Variants in PTPN21 observed in about 807,000 individuals in gnomAD.
The protein encoded by PTPN21 is tyrosine-protein phosphatase non-receptor type 21.
A neutral mutation model predicts 131.8 loss-of-function variants in PTPN21; 77 were observed. The observed-to-expected ratio is 0.58, with a 90% CI of 0.49 to 0.71. The LOEUF is 0.71. PTPN21 is among the 30% of genes least tolerant of loss of function. The pLI is 0.00. For missense variants in PTPN21, 1,552 were observed against 1,527.1 expected (o/e 1.02, Z -0.27); for synonymous variants, 715 against 621.3 (o/e 1.15, Z -2.24).
chr14:88,517,996 G>A (rs1240482385), intron 2 of PTPN21, among the ~76,000 whole-genome samples: 1 of 147,368 alleles, frequency 6.8e-6, no homozygotes, highest in Non-Finnish European at 1.5e-5. Flanking sequence ...GTTAAAATCT[G>A]CATATAAAAT....
intron 13 of PTPN21, 31 bp from the exon 14 acceptor site, chr14:88,473,833 T>A: frequency 6.4e-7 from 1 of 1,564,338 alleles, no homozygotes; most frequent in East Asian, 2.3e-5. Flanking sequence ...ATATATGAAA[T>A]ATACACAAAT....
At chr14:88,470,287 C>T (rs1368529693) in intron 15 of PTPN21, 2 of 522,220 alleles carry the variant, frequency 3.8e-6, no homozygotes, top group Non-Finnish European at 6.8e-6. Context: ...AATATCTATG[C>T]AACCTGTTTA....
intron 2 of PTPN21, among the ~76,000 whole-genome samples, chr14:88,519,537 T>C (rs1284756628): frequency 6.6e-6 from 1 of 152,232 alleles, no homozygotes; most frequent in Non-Finnish European, 1.5e-5. Context: ...TAATAGAACA[T>C]TTCTTTGACC....
In PTPN21 at chr14:88,485,123, T is replaced by G; in HGVS notation, c.1031A>C (p.Gln344Pro). The G allele has an allele frequency of 6.2e-7, 1 of 1,608,466 alleles. No individual in the cohort carries two copies. The highest frequency in any genetic ancestry group is 8.5e-7 in the Non-Finnish European group (1 of 1,176,268). Residue 344 changes from glutamine to proline, a missense_variant, in exon 12 of 19, where the codon CAG becomes CCG. By Grantham distance (76) the Gln-to-Pro change is moderately conservative. Coordinates refer to ENST00000556564, the MANE Select transcript of PTPN21 (RefSeq NM_007039.4). ...PQPYVMPPPP[Q>P]LHYNGHYTEP... ...TGTATAATGTCCATTATAGTGCAAC[T>G]GCGGTGGGGGAGGCATCACGTAGGG...
At chr14:88,542,216 G>A (rs763946092) in intron 2 of PTPN21, among the ~76,000 whole-genome samples, 3 of 152,080 alleles carry the variant, frequency 2.0e-5, no homozygotes, top group African/African-American at 7.2e-5. Flanking sequence ...GATTAAATGA[G>A]GTAAATAAAG....
At chr14:88,542,025 G>A (rs1320026516) in intron 2 of PTPN21, among the ~76,000 whole-genome samples, 1 of 152,150 alleles carries the variant, frequency 6.6e-6, no homozygotes, top group African/African-American at 2.4e-5. Flanking sequence ...GTTTGCATCA[G>A]ATCTCAAAGG....
intron 2 of PTPN21, among the ~76,000 whole-genome samples, chr14:88,518,226 CAAA>C (rs1172099704): frequency 0.01 from 114 of 10,986 alleles, no homozygotes; most frequent in African/African-American, 0.035. Context: ...GAATCTACCT[CAAA>C]AAAAAAAAAA....
intron 3 of PTPN21, chr14:88,513,558 A>G (rs1311252888): frequency 2.6e-5 from 4 of 152,226 alleles, no homozygotes; most frequent in African/African-American, 9.6e-5. Flanking sequence ...ATTATCGACA[A>G]TTGAAACAAA....
chr14:88,533,156 A>T (rs1350355483), intron 2 of PTPN21, among the ~76,000 whole-genome samples: 2 of 152,202 alleles, frequency 1.3e-5, no homozygotes, highest in African/African-American at 4.8e-5. Flanking sequence ...GGGTTTCATT[A>T]CTTCACTTAC....
chr14:88,529,177 T>C (rs1234261052), intron 2 of PTPN21, among the ~76,000 whole-genome samples: 5 of 152,360 alleles, frequency 3.3e-5, no homozygotes, highest in Admixed American at 3.3e-4. Context: ...CTGAGGGTTT[T>C]AATCATAAAG....
chr14:88,506,184 T>A (rs1207615422), intron 4 of PTPN21, among the ~76,000 whole-genome samples: 1 of 151,830 alleles, frequency 6.6e-6, no homozygotes, highest in African/African-American at 2.4e-5. Context: ...ATAAAAAATT[T>A]TAAAAATCAG....
chr14:88,502,358 A>G (rs1455326108), intron 6 of PTPN21, among the ~76,000 whole-genome samples: 1 of 151,648 alleles, frequency 6.6e-6, no homozygotes, highest in African/African-American at 2.4e-5. Context: ...ATCCTTCAAG[A>G]CTCTGTCTAT....
At position 88,485,126 on chromosome 14, in the gene PTPN21, G is replaced by A. The variant is rs1224242606; in HGVS notation, c.1028C>T (p.Pro343Leu). ...ATAATGTCCATTATAGTGCAACTGC[G>A]GTGGGGGAGGCATCACGTAGGGCTG... Reference protein sequence around the residue: ...KPQPYVMPPPPQLHYNGHYTE... With the variant: ...KPQPYVMPPPLQLHYNGHYTE... The change falls in exon 12 of 19, where the codon CCG becomes CTG. Residue 343 changes from proline to leucine, a missense_variant. This residue lies in a region of PTPN21 where 1,016 missense variants were observed against 883.5 expected (regional missense o/e 1.15). Coordinates refer to ENST00000556564, the MANE Select transcript of PTPN21 (RefSeq NM_007039.4). 17 of 1,606,720 alleles carry A rather than the reference G, an allele frequency of 1.1e-5. No individual in the cohort carries two copies. Among genetic ancestry groups the A allele is most frequent in the African/African-American group, 4.0e-5 (3 of 74,710 alleles).
chr14:88,515,105 G>C (rs571919908), intron 3 of PTPN21: 1 of 152,310 alleles, frequency 6.6e-6, no homozygotes, highest in East Asian at 1.9e-4. Flanking sequence ...AGCACTAAGA[G>C]AAAGTGCGAG....
In PTPN21 at chr14:88,469,378, TAAAAC is replaced by T. The variant is rs2077418264; in HGVS notation, c.3235+116_3235+120del. The T allele has an allele frequency of 7.9e-5, 75 of 946,170 alleles. No homozygotes were observed. The South Asian group carries it at 1.2e-3, about 16-fold the overall frequency. The allele number at this position is 946,170 out of a possible 1,614,324, so 58.6% of individuals were successfully genotyped here. Reference sequence around the variant, plus strand: ...CCCAAAACACTTGTATTCTTTATGTTAAAACAAGTCCGAAGCTTATATGAGATAAC... The same window carrying T: ...CCCAAAACACTTGTATTCTTTATGTTAAGTCCGAAGCTTATATGAGATAAC... On this transcript the variant is annotated intron_variant, in intron 17 of 18. Coordinates refer to ENST00000556564, the MANE Select transcript of PTPN21 (RefSeq NM_007039.4). This position sits in a 1 kb window ranked among gnomAD's most constrained non-coding sequence, Gnocchi z 4.3.
In PTPN21 at chr14:88,477,046, GGGAA is replaced by G. The variant is rs533730809; in HGVS notation, c.2511+1870_2511+1873del. 1.0e-3 allele frequency among the ~76,000 whole-genome samples: 155 copies of G among 152,166 alleles called. 1 individual carries two copies. Among genetic ancestry groups the G allele is most frequent in the African/African-American group, 3.3e-3 (138 of 41,500 alleles). ...AAAAACAGACCGTTCTTAATGCAAT[GGGAA>G]GGGTGTTAACTATAAAAGGACCCTG... On this transcript the variant is annotated intron_variant, in intron 13 of 18. Coordinates refer to ENST00000556564, the MANE Select transcript of PTPN21 (RefSeq NM_007039.4).
intron 10 of PTPN21, among the ~76,000 whole-genome samples, chr14:88,487,813 C>A (rs1292795474): frequency 6.6e-6 from 1 of 151,782 alleles, no homozygotes; most frequent in Non-Finnish European, 1.5e-5. Context: ...TTAGTGCCCA[C>A]AAATTAGCCA....
intron 8 of PTPN21, among the ~76,000 whole-genome samples, chr14:88,498,948 G>A (rs548299726): frequency 1.3e-5 from 2 of 151,858 alleles, no homozygotes; most frequent in African/African-American, 2.4e-5. Context: ...AACTTAGTAC[G>A]GATTCCGTTG....
chr14:88,503,809 G>A (rs1436229113), intron 6 of PTPN21: 1 of 152,248 alleles, frequency 6.6e-6, no homozygotes, highest in African/African-American at 2.4e-5. Context: ...GCATCTATAT[G>A]TGGAACTGTG....
Sources: gnomAD v4.1 joint callset for allele counts (sites outside exome capture counted in the v4.1 genomes callset) on GRCh38, gnomAD v4.1.1 for gene constraint, gnomAD v4.1.1 regional missense constraint, Gnocchi (gnomAD v3.1) non-coding constraint, MANE v1.5 for transcripts, NCBI Gene and HGNC (gene_info 2026-07-23, HGNC 2026-07-21) for gene names.